Variants in CRIM1 observed in about 807,000 individuals in gnomAD.
CRIM1 encodes cysteine rich transmembrane BMP regulator 1.
CRIM1 carries 32 observed loss-of-function variants against 116.4 expected under a neutral mutation model. That is an observed-to-expected ratio of 0.27 (90% CI 0.21 to 0.37). The LOEUF is 0.37. Among genes scored for constraint, CRIM1 ranks in the 10% least tolerant of loss-of-function variants. The probability of loss-of-function intolerance (pLI) is 1.00; values close to 1 mark genes in which losing one functional copy is unlikely to be tolerated. For missense variants in CRIM1, 1,331 were observed against 1,354.8 expected (o/e 0.98, Z 0.28); for synonymous variants, 590 against 509.2 (o/e 1.16, Z -2.13).
intron 11 of CRIM1, among the ~76,000 whole-genome samples, chr2:36,514,849 A>G (rs907569529): frequency 6.6e-6 from 1 of 152,222 alleles, no homozygotes; most frequent in African/African-American, 2.4e-5. Flanking sequence ...GAGATTCTGC[A>G]CAGCTCAATA....
chr2:36,464,237 C>T (rs542641860), intron 4 of CRIM1, among the ~76,000 whole-genome samples: 7 of 152,264 alleles, frequency 4.6e-5, no homozygotes, highest in Admixed American at 2.0e-4. Context: ...ATGTTTGTTA[C>T]GCTCAATACC....
chr2:36,393,263 A>G (rs189321190), intron 1 of CRIM1, among the ~76,000 whole-genome samples: 7 of 152,242 alleles, frequency 4.6e-5, no homozygotes, highest in Admixed American at 2.6e-4. Flanking sequence ...ATTTCTTTGA[A>G]ATGTGTGCCT....
At chr2:36,515,523 T>G (rs1449793464) in intron 11 of CRIM1, among the ~76,000 whole-genome samples, 1 of 152,226 alleles carries the variant, frequency 6.6e-6, no homozygotes, top group Non-Finnish European at 1.5e-5. Flanking sequence ...ACTCCTACTT[T>G]AAAGAATATT....
chr2:36,467,871 G>C (rs1678173829), intron 5 of CRIM1, among the ~76,000 whole-genome samples: 1 of 152,210 alleles, frequency 6.6e-6, no homozygotes. Flanking sequence ...CTCTCTAATA[G>C]AGATTTTTCA....
At chr2:36,445,717 G>A (rs573474416) in intron 4 of CRIM1, among the ~76,000 whole-genome samples, 2 of 152,204 alleles carry the variant, frequency 1.3e-5, no homozygotes, top group East Asian at 1.9e-4. Context: ...TGCTTACTAA[G>A]GAGGGTGATG....
chr2:36,479,506 A>T lies in CRIM1; in HGVS notation c.1184A>T (p.Tyr395Phe), dbSNP rs774391886. Residue 395 changes from tyrosine (Y) to phenylalanine (F), a missense_variant, in exon 7 of 17, where the codon TAT becomes TTT. By Grantham distance (22) the Tyr-to-Phe change is conservative. Transcript: ENST00000280527. ...ECCPVCEDPV[Y>F]PFNNPAGCYA... is the part of the protein sequence containing the mutation. The stretch of plus-strand genomic sequence containing the variant: ...TCATGTTCTCATTTAGATCCAGTGT[A>T]TCCTTTTAATAATCCCGCTGGCTGC... 6.2e-7 allele frequency: 1 copy of T among 1,614,078 alleles called. No individual in the cohort carries two copies. The highest frequency in any genetic ancestry group is 1.7e-5 in the Admixed American group (1 of 60,014).
rs192026347 is a variant in CRIM1 at position 36,548,672 on chromosome 2, C to T, written c.3082C>T (p.Gln1028Ter). 6 of 1,598,988 alleles carry T rather than the reference C, an allele frequency of 3.8e-6. No individual in the cohort carries two copies. The highest frequency in any genetic ancestry group is 4.3e-6 in the Non-Finnish European group (5 of 1,175,712). ...FYSMQKQNHL[Q>*]ADNFYQTV is the part of the protein sequence containing the mutation. ...CAGCATGCAAAAACAGAACCATCTA[C>T]AGGCAGACAATTTCTACCAAACAGT... is the stretch of plus-strand genomic sequence containing the variant. The change falls in exon 17 of 17, where the codon CAG (glutamine) becomes TAG (stop). Residue 1028 changes from glutamine (Q) to a stop codon, truncating the protein, a stop_gained. Coordinates refer to ENST00000280527, the MANE Select transcript of CRIM1 (RefSeq NM_016441.3). LOFTEE classifies it high-confidence loss of function.
Position 36,526,292 on chromosome 2 carries a change from A to G in CRIM1, c.2428+3979A>G, listed in dbSNP as rs1056017026. ...GATGAAGAACAAGAATCAAAAGTTG[A>G]CAAGTATGACGCAGGTGGAGATAAA... On this transcript the variant is annotated intron_variant, in intron 13 of 16. Coordinates refer to ENST00000280527, the MANE Select transcript of CRIM1 (RefSeq NM_016441.3). 2.6e-5 allele frequency among the ~76,000 whole-genome samples: 4 copies of G among 152,366 alleles called. No homozygotes were observed. In the East Asian group the frequency reaches 7.7e-4, roughly 29 times the overall value.
At chr2:36,387,534 G>C (rs2148351822) in intron 1 of CRIM1, among the ~76,000 whole-genome samples, 1 of 152,248 alleles carries the variant, frequency 6.6e-6, no homozygotes, top group South Asian at 2.1e-4. Context: ...GATTTTCCTT[G>C]GAAACTATTG....
Position 36,513,727 on chromosome 2 carries a change from C to G in CRIM1, c.1952C>G (p.Pro651Arg). The change falls in exon 11 of 17, where the codon CCC (proline) becomes CGC (arginine). Residue 651 changes from proline to arginine, a missense_variant. Transcript: ENST00000280527. ...TGCCCGGTGCCTGCCTGTGGCAACCCCACCATTCACCCTGGACAGTGCTGC... is the reference window on the plus strand; with the variant it reads ...TGCCCGGTGCCTGCCTGTGGCAACCGCACCATTCACCCTGGACAGTGCTGC... Reference protein sequence around the residue: ...ITCPVPACGNPTIHPGQCCPS... With the variant: ...ITCPVPACGNRTIHPGQCCPS... 6.2e-7 allele frequency: 1 copy of G among 1,614,152 alleles called. No individual in the cohort carries two copies. The highest frequency in any genetic ancestry group is 8.5e-7 in the Non-Finnish European group (1 of 1,180,014).
At chr2:36,530,032 A>AG (rs1280823859) in intron 13 of CRIM1, among the ~76,000 whole-genome samples, 1 of 152,212 alleles carries the variant, frequency 6.6e-6, no homozygotes, top group African/African-American at 2.4e-5. Flanking sequence ...GATTAAGATC[A>AG]GATTTTTTTT....
At chr2:36,530,987 C>T (rs1249269799) in intron 13 of CRIM1, among the ~76,000 whole-genome samples, 1 of 152,158 alleles carries the variant, frequency 6.6e-6, no homozygotes, top group Non-Finnish European at 1.5e-5. Flanking sequence ...GGATGACACT[C>T]GGGGGGCCTT....
chr2:36,414,590 T>G (rs977832785), intron 2 of CRIM1, among the ~76,000 whole-genome samples: 2 of 152,204 alleles, frequency 1.3e-5, no homozygotes, highest in African/African-American at 4.8e-5. Context: ...ATAGGATAGC[T>G]TGAGAAAGTC....
At chr2:36,434,657 T>C (rs965742898) in intron 2 of CRIM1, among the ~76,000 whole-genome samples, 2 of 152,250 alleles carry the variant, frequency 1.3e-5, no homozygotes, top group Non-Finnish European at 2.9e-5. Flanking sequence ...CTTTCATTTC[T>C]CCAGCATGAC....
intron 7 of CRIM1, among the ~76,000 whole-genome samples, chr2:36,496,444 C>T (rs184626569): frequency 1.3e-5 from 2 of 152,098 alleles, no homozygotes; most frequent in South Asian, 2.1e-4. Flanking sequence ...TTCCCTGTTT[C>T]TTTCATCTAA....
chr2:36,372,500 A>T (rs1377327109), intron 1 of CRIM1, among the ~76,000 whole-genome samples: 1 of 152,222 alleles, frequency 6.6e-6, no homozygotes, highest in Non-Finnish European at 1.5e-5. Flanking sequence ...TAAAACCTTG[A>T]TACATTTGGT....
intron 2 of CRIM1, among the ~76,000 whole-genome samples, chr2:36,435,252 T>C (rs1675212541): frequency 6.6e-6 from 1 of 152,078 alleles, no homozygotes; most frequent in Non-Finnish European, 1.5e-5. Flanking sequence ...TCAAATATAA[T>C]CCAAATTTGG....
At chr2:36,521,521 T>C (rs1254348078) in intron 12 of CRIM1, among the ~76,000 whole-genome samples, 1 of 152,178 alleles carries the variant, frequency 6.6e-6, no homozygotes, top group African/African-American at 2.4e-5. Context: ...AGGCAGATGT[T>C]TATCAGCATT....
chr2:36,534,651 GGGAA>G (rs919702764), intron 13 of CRIM1, among the ~76,000 whole-genome samples: 8 of 147,292 alleles, frequency 5.4e-5, no homozygotes, highest in African/African-American at 1.3e-4. Flanking sequence ...GGGAAAGGAA[GGGAA>G]GGAAGGAAGG....
Sources: gnomAD v4.1 joint callset for allele counts (sites outside exome capture counted in the v4.1 genomes callset) on GRCh38, gnomAD v4.1.1 for gene constraint, MANE v1.5 for transcripts, NCBI Gene and HGNC (gene_info 2026-07-23, HGNC 2026-07-21) for gene names.